The following TENM3 variants were observed in gnomAD, a reference collection of about 807,000 sequenced individuals.
The protein encoded by TENM3 is teneurin transmembrane protein 3, also known as teneurin-3.
Under a neutral mutation model 255.1 loss-of-function variants are expected in TENM3, and 63 were observed. The ratio of observed to expected loss-of-function variants is 0.25; its 90% CI spans 0.20 to 0.30. The LOEUF is 0.30. Among genes scored for constraint, TENM3 ranks in the 10% least tolerant of loss-of-function variants. The probability of loss-of-function intolerance (pLI) is 1.00; values close to 1 mark genes in which losing one functional copy is unlikely to be tolerated. For synonymous variants in TENM3, 1,306 were observed against 1,322.3 expected (o/e 0.99, Z 0.27); for missense variants, 2,929 against 3,461.1 (o/e 0.85, Z 3.86).
At chr4:182,268,628 T>C (rs1157762302) in intron 1 of TENM3, among the ~76,000 whole-genome samples, 1 of 152,238 alleles carries the variant, frequency 6.6e-6, no homozygotes, top group East Asian at 1.9e-4. Context: ...AAGACCTTAC[T>C]GATAAAACAG....
At chr4:181,770,517 G>A in the TENM3 span, among the ~76,000 whole-genome samples, 4 of 151,810 alleles carry the variant, frequency 2.6e-5, no homozygotes, top group East Asian at 3.9e-4. Context: ...TACTAAAAAT[G>A]CAAATAAATT....
At chr4:181,735,093 T>C in the TENM3 span, among the ~76,000 whole-genome samples, 7,346 of 152,046 alleles carry the variant, frequency 0.048, 253 homozygotes, top group Middle Eastern at 0.15. Context: ...AAAAAATATA[T>C]ATTATTTTTA....
chr4:181,843,609 T>G, the TENM3 span, among the ~76,000 whole-genome samples: 1 of 152,026 alleles, frequency 6.6e-6, no homozygotes, highest in Non-Finnish European at 1.5e-5. Context: ...GCTGCTATCA[T>G]AGAACACCGG....
intron 3 of TENM3, among the ~76,000 whole-genome samples, chr4:182,492,566 C>G (rs995832576): frequency 5.3e-5 from 8 of 152,090 alleles, no homozygotes; most frequent in Non-Finnish European, 1.2e-4. Flanking sequence ...AGTTTCGTTT[C>G]ATGAGAATCC....
chr4:182,634,937 CATT>C (rs1337662759), intron 5 of TENM3, among the ~76,000 whole-genome samples: 1 of 152,126 alleles, frequency 6.6e-6, no homozygotes, highest in African/African-American at 2.4e-5. Context: ...GAAGGATAAA[CATT>C]ATTGACGCAT....
chr4:182,150,972 A>G (rs1275934741), intron 1 of TENM3, among the ~76,000 whole-genome samples: 1 of 152,082 alleles, frequency 6.6e-6, no homozygotes, highest in Non-Finnish European at 1.5e-5. Context: ...TTTTTATTAG[A>G]ATGAATTATT....
chr4:181,832,967 C>A, the TENM3 span, among the ~76,000 whole-genome samples: 2 of 152,072 alleles, frequency 1.3e-5, no homozygotes, highest in African/African-American at 2.4e-5. Flanking sequence ...TGAGTGTGAC[C>A]TGGACATTGG....
intron 13 of TENM3, among the ~76,000 whole-genome samples, chr4:182,723,121 T>C (rs912650337): frequency 3.8e-4 from 58 of 152,248 alleles, no homozygotes; most frequent in African/African-American, 1.4e-3. Flanking sequence ...AGGCAATTGG[T>C]GGCTTTGTAG....
intron 7 of TENM3, among the ~76,000 whole-genome samples, chr4:182,677,253 G>C (rs1375878291): frequency 1.3e-5 from 2 of 152,100 alleles, no homozygotes. Flanking sequence ...CTCAAAACCT[G>C]TCAGCTCCTC....
chr4:182,624,603 A>G (rs1262085163), intron 4 of TENM3, among the ~76,000 whole-genome samples: 1 of 152,070 alleles, frequency 6.6e-6, no homozygotes, highest in Non-Finnish European at 1.5e-5. Context: ...CCCAGCGTGG[A>G]CATGTTCCCC....
At chr4:182,568,455 T>G (rs1744020266) in intron 3 of TENM3, among the ~76,000 whole-genome samples, 1 of 152,238 alleles carries the variant, frequency 6.6e-6, no homozygotes, top group African/African-American at 2.4e-5. Context: ...CAAGAAGGTA[T>G]GAGTAAGTTT....
chr4:182,795,636 A>G (rs1766447702), intron 26 of TENM3, among the ~76,000 whole-genome samples: 1 of 152,206 alleles, frequency 6.6e-6, no homozygotes, highest in African/African-American at 2.4e-5. Context: ...CATCATTCTG[A>G]CAGGCAGTTT....
intron 3 of TENM3, among the ~76,000 whole-genome samples, chr4:182,572,193 C>T (rs188135222): frequency 3.3e-5 from 5 of 152,326 alleles, no homozygotes; most frequent in African/African-American, 9.6e-5. Flanking sequence ...TGAGCCACTG[C>T]GCCCGGCCAA....
At chr4:181,733,719 A>T in the TENM3 span, among the ~76,000 whole-genome samples, 3 of 152,190 alleles carry the variant, frequency 2.0e-5, no homozygotes, top group Non-Finnish European at 4.4e-5. Context: ...GAATCAAGAA[A>T]GTTGTATCTT....
chr4:182,752,624 G>A (rs1438664100), intron 20 of TENM3, among the ~76,000 whole-genome samples: 1 of 152,082 alleles, frequency 6.6e-6, no homozygotes, highest in African/African-American at 2.4e-5. Context: ...TTTGGTTTGG[G>A]GCCTTTATTT....
the TENM3 span, chr4:181,522,721 G>A: frequency 1.4e-6 from 1 of 689,806 alleles, no homozygotes; most frequent in Admixed American, 1.8e-5. Flanking sequence ...GATGTTAAAG[G>A]TGAATCCTTG....
the TENM3 span, among the ~76,000 whole-genome samples, chr4:181,501,461 C>T: frequency 6.6e-6 from 1 of 151,862 alleles, no homozygotes. Flanking sequence ...TCACCGCAAC[C>T]TCCGCCTCCC....
At chr4:182,666,556 A>T (rs957722946) in intron 6 of TENM3, among the ~76,000 whole-genome samples, 1 of 152,204 alleles carries the variant, frequency 6.6e-6, no homozygotes, top group Non-Finnish European at 1.5e-5. Context: ...GATCGGTAGC[A>T]TTTTTTAGCA....
At chr4:182,329,407 A>T (rs1021346794) in intron 2 of TENM3, among the ~76,000 whole-genome samples, 2 of 152,168 alleles carry the variant, frequency 1.3e-5, no homozygotes, top group Non-Finnish European at 2.9e-5. Flanking sequence ...GCCTGAACAG[A>T]TGCATTTCTC....
Sources: allele counts gnomAD v4.1 joint callset (sites outside exome capture counted in the v4.1 genomes callset), GRCh38; gene constraint gnomAD v4.1.1; transcripts MANE v1.5; gene names NCBI Gene and HGNC (gene_info 2026-07-23, HGNC 2026-07-21).